Variants in DLC1 observed in about 807,000 individuals in gnomAD.
The protein encoded by DLC1 is DLC1 Rho GTPase activating protein.
DLC1 carries 54 observed loss-of-function variants against 140.3 expected under a neutral mutation model. That is an observed-to-expected ratio of 0.38 (90% CI 0.31 to 0.48). The LOEUF is 0.48. Among genes scored for constraint, DLC1 ranks in the 20% least tolerant of loss-of-function variants. The probability of loss-of-function intolerance (pLI) is 0.96; values close to 1 mark genes in which losing one functional copy is unlikely to be tolerated. For synonymous variants in DLC1, 986 were observed against 728.1 expected (o/e 1.35, Z -5.70); for missense variants, 2,536 against 1,907.0 (o/e 1.33, Z -6.14).
chr8:13,374,037 G>T (rs573221264), intron 4 of DLC1, among the ~76,000 whole-genome samples: 1 of 152,262 alleles, frequency 6.6e-6, no homozygotes, highest in African/African-American at 2.4e-5. Context: ...GTGAATGAAG[G>T]ACAAATTATA....
upstream of DLC1, among the ~76,000 whole-genome samples, chr8:13,517,503 C>T (rs1266361752): frequency 6.6e-6 from 1 of 152,112 alleles, no homozygotes; most frequent in Non-Finnish European, 1.5e-5. Flanking sequence ...TGTTGAGTTG[C>T]TTGATTCCAA....
intron 1 of DLC1, among the ~76,000 whole-genome samples, chr8:13,593,643 G>A (rs1226104970): frequency 1.3e-5 from 2 of 152,030 alleles, no homozygotes; most frequent in Admixed American, 6.6e-5. Flanking sequence ...TTATTAGAGT[G>A]CAATGGAACC....
chr8:13,434,505 T>C (rs1839029093), intron 2 of DLC1, among the ~76,000 whole-genome samples: 1 of 152,144 alleles, frequency 6.6e-6, no homozygotes, highest in Non-Finnish European at 1.5e-5. Flanking sequence ...CACATGTGTG[T>C]ATGTATATGT....
At chr8:13,515,043 A>G (rs1362716433), upstream of DLC1, among the ~76,000 whole-genome samples, 8 of 152,152 alleles carry the variant, frequency 5.3e-5, no homozygotes, top group Non-Finnish European at 2.9e-5. Context: ...TCTTGAGGTG[A>G]TTAGCTGTAG....
chr8:13,455,435 G>C lies in DLC1; in HGVS notation c.1023+43614C>G, dbSNP rs533550641. 2.6e-5 allele frequency among the ~76,000 whole-genome samples: 4 copies of C among 152,118 alleles called. No individual in the cohort carries two copies. In the South Asian group the frequency reaches 8.3e-4, roughly 32 times the overall value. ...TGTCGCTGCAGCTGGCTCATCTCGT[G>C]GCCTTAACTCCTCCAGACTTCATCT... On this transcript the variant is annotated intron_variant, in intron 2 of 17. Transcript: ENST00000276297.
chr8:13,197,350 T>G lies in DLC1; in HGVS notation c.1349-81693A>C, dbSNP rs76121725. On this transcript the variant is annotated intron_variant, in intron 5 of 17. Coordinates refer to ENST00000276297, the MANE Select transcript of DLC1 (RefSeq NM_182643.3). The stretch of plus-strand genomic sequence containing the variant: ...ATTTTATTTTTTTTTAATTTTTAAT[T>G]CAATTTATTTTTTTTGAGATGGGAG... Among the ~76,000 whole-genome samples, 144 of 152,172 alleles carry G rather than the reference T, an allele frequency of 9.5e-4. 1 individual carries two copies. The highest frequency in any genetic ancestry group is 2.9e-3 in the African/African-American group (120 of 41,518).
At chr8:13,205,457 A>T (rs2117084970) in intron 5 of DLC1, among the ~76,000 whole-genome samples, 1 of 152,278 alleles carries the variant, frequency 6.6e-6, no homozygotes, top group Non-Finnish European at 1.5e-5. Flanking sequence ...GGCATAAATG[A>T]GTTGGCCAAG....
chr8:13,547,552 G>C (rs1274232486), intron 1 of DLC1, among the ~76,000 whole-genome samples: 1 of 152,022 alleles, frequency 6.6e-6, no homozygotes, highest in East Asian at 1.9e-4. Context: ...CAAACAAAAG[G>C]TGAGTATATG....
chr8:13,287,250 G>A (rs1049535909), intron 5 of DLC1, among the ~76,000 whole-genome samples: 22 of 152,062 alleles, frequency 1.4e-4, no homozygotes, highest in African/African-American at 3.4e-4. Context: ...TGTATGGCTC[G>A]TCAGGGTCTA....
At chr8:13,360,376 G>T (rs2117072025) in intron 4 of DLC1, among the ~76,000 whole-genome samples, 1 of 152,158 alleles carries the variant, frequency 6.6e-6, no homozygotes, top group South Asian at 2.1e-4. Flanking sequence ...AGCATATATT[G>T]GTATTATAAA....
At chr8:13,101,902 G>A (rs908690988) in intron 8 of DLC1, among the ~76,000 whole-genome samples, 1 of 152,202 alleles carries the variant, frequency 6.6e-6, no homozygotes, top group African/African-American at 2.4e-5. Flanking sequence ...GCACAATTCG[G>A]TATGATACAT....
At position 13,489,709 on chromosome 8, in the gene DLC1, T is replaced by A. The variant is rs188358032; in HGVS notation, c.1023+9340A>T. On this transcript the variant is annotated intron_variant, in intron 2 of 17. Coordinates refer to ENST00000276297, the MANE Select transcript of DLC1 (RefSeq NM_182643.3). ...GGCTGTTGGCTTCTTTAGTTTGTTC[T>A]AGGCATAGTGAAGAATCTGTGGACA... is the stretch of plus-strand genomic sequence containing the variant. Among the ~76,000 whole-genome samples the A allele has an allele frequency of 1.4e-3, 218 of 152,278 alleles. 1 individual carries two copies. The highest frequency in any genetic ancestry group is 5.1e-3 in the African/African-American group (214 of 41,556).
intron 4 of DLC1, among the ~76,000 whole-genome samples, chr8:13,328,818 G>T (rs939012323): frequency 6.6e-6 from 1 of 152,174 alleles, no homozygotes; most frequent in Non-Finnish European, 1.5e-5. Context: ...TGTCACAGAA[G>T]CGGAAGGAAC....
At chr8:13,397,629 G>A (rs1206227731) in intron 3 of DLC1, among the ~76,000 whole-genome samples, 2 of 151,146 alleles carry the variant, frequency 1.3e-5, no homozygotes, top group Non-Finnish European at 2.9e-5. Context: ...AGGAGCTCTA[G>A]ACCAGCCTGG....
upstream of DLC1, among the ~76,000 whole-genome samples, chr8:13,515,288 A>T (rs978367417): frequency 6.6e-6 from 1 of 152,188 alleles, no homozygotes; most frequent in Non-Finnish European, 1.5e-5. Context: ...TTTTTTGAAC[A>T]TGACTTAAAA....
intron 5 of DLC1, among the ~76,000 whole-genome samples, chr8:13,300,855 G>C (rs1026343347): frequency 6.6e-6 from 1 of 152,246 alleles, no homozygotes; most frequent in African/African-American, 2.4e-5. Context: ...TCTGGTGACA[G>C]TGCAGATAAT....
chr8:13,239,799 C>A (rs955983180), intron 5 of DLC1, among the ~76,000 whole-genome samples: 1 of 152,050 alleles, frequency 6.6e-6, no homozygotes, highest in African/African-American at 2.4e-5. Context: ...AATATTGACT[C>A]CGGCAGAATT....
intron 4 of DLC1, among the ~76,000 whole-genome samples, chr8:13,354,697 C>A (rs1296093062): frequency 6.6e-6 from 1 of 151,586 alleles, no homozygotes; most frequent in South Asian, 2.1e-4. Context: ...GTAATCCCAG[C>A]ACTTTGGGAG....
intron 5 of DLC1, among the ~76,000 whole-genome samples, chr8:13,277,175 G>A (rs1243437516): frequency 6.6e-6 from 1 of 152,116 alleles, no homozygotes; most frequent in East Asian, 1.9e-4. Context: ...AGGCGGGTGT[G>A]GTGGCATGCA....
Sources: gnomAD v4.1 joint callset for allele counts (sites outside exome capture counted in the v4.1 genomes callset) on GRCh38, gnomAD v4.1.1 for gene constraint, MANE v1.5 for transcripts, NCBI Gene and HGNC (gene_info 2026-07-23, HGNC 2026-07-21) for gene names.